Variants in TRERF1 observed in about 807,000 individuals in gnomAD.
TRERF1 encodes the protein transcriptional regulating factor 1, also known as transcriptional-regulating factor 1.
In TRERF1, 27 loss-of-function variants were observed where a neutral mutation model predicts 122.9. The ratio of observed to expected loss-of-function variants is 0.22; its 90% CI spans 0.16 to 0.30. TRERF1 has a LOEUF of 0.30. Ranked by LOEUF, TRERF1 falls within the 10% of genes least tolerant of loss-of-function variation. The pLI is 1.00. For synonymous variants in TRERF1, 636 were observed against 641.7 expected, an observed-to-expected ratio of 0.99 and a Z score of 0.13; for missense variants, 1,248 against 1,560.3, an observed-to-expected ratio of 0.80 and a Z score of 3.37.
chr6:42,372,648 C>T (rs1234675898), intron 2 of TRERF1, among the ~76,000 whole-genome samples: 2 of 152,202 alleles, frequency 1.3e-5, no homozygotes, highest in Non-Finnish European at 2.9e-5. Flanking sequence ...TCAAAACAGC[C>T]AGACAACATC....
intron 13 of TRERF1, among the ~76,000 whole-genome samples, chr6:42,252,532 G>C (rs927611227): frequency 6.6e-6 from 1 of 152,158 alleles, no homozygotes; most frequent in African/African-American, 2.4e-5. Context: ...CAGAAGATAG[G>C]GTCCCAGCAA....
intron 3 of TRERF1, among the ~76,000 whole-genome samples, chr6:42,330,171 C>T (rs779279127): frequency 6.6e-6 from 1 of 152,060 alleles, no homozygotes; most frequent in Non-Finnish European, 1.5e-5. Context: ...AGGCAAGCCA[C>T]AAGAGAAGAA....
chr6:42,308,508 C>T (rs1401053956), intron 3 of TRERF1, among the ~76,000 whole-genome samples: 4 of 151,940 alleles, frequency 2.6e-5, no homozygotes, highest in Non-Finnish European at 5.9e-5. Context: ...TCTGGGATGA[C>T]AAAAATGCCT....
chr6:42,435,586 T>C (rs1238092012), intron 2 of TRERF1, among the ~76,000 whole-genome samples: 4 of 151,992 alleles, frequency 2.6e-5, no homozygotes. Flanking sequence ...TAAGATGAAC[T>C]TAAAGATTTA....
At position 42,233,388 on chromosome 6, in the gene TRERF1, C is replaced by T. The variant is rs568617703; in HGVS notation, c.3067-496G>A. Among the ~76,000 whole-genome samples the T allele has an allele frequency of 6.8e-3, 1,032 of 151,392 alleles. 20 individuals are homozygous for T. Among genetic ancestry groups the T allele is most frequent in the African/African-American group, 0.024 (1,001 of 41,152 alleles). On this transcript the variant is annotated intron_variant, in intron 16 of 17. Transcript: ENST00000372922. Reference sequence around the variant, plus strand: ...GCAAGCTCCGCCTCCCAGGTTCACACCATTCTCCTGCCTCAGCCTCCCGAG... The same window carrying T: ...GCAAGCTCCGCCTCCCAGGTTCACATCATTCTCCTGCCTCAGCCTCCCGAG...
chr6:42,356,396 T>C (rs565528730), intron 3 of TRERF1, among the ~76,000 whole-genome samples: 2 of 152,110 alleles, frequency 1.3e-5, no homozygotes, highest in African/African-American at 4.8e-5. Context: ...TGGGTGATCT[T>C]ATAAGAAGAG....
intron 4 of TRERF1, among the ~76,000 whole-genome samples, chr6:42,285,576 T>C (rs35964201): frequency 0.024 from 3,570 of 150,400 alleles, 16 homozygotes; most frequent in Non-Finnish European, 0.033. Flanking sequence ...TCAAAGGGAA[T>C]GCTTCCAGTT....
chr6:42,258,895 C>T (rs1777268703), intron 9 of TRERF1, among the ~76,000 whole-genome samples: 1 of 152,082 alleles, frequency 6.6e-6, no homozygotes, highest in African/African-American at 2.4e-5. Context: ...CCACCATGCC[C>T]GGCTAATTTT....
chr6:42,288,595 AAG>A (rs893223894), intron 4 of TRERF1, among the ~76,000 whole-genome samples: 2 of 111,550 alleles, frequency 1.8e-5, no homozygotes, highest in Non-Finnish European at 4.2e-5. Flanking sequence ...AAAAAAAAAA[AAG>A]AGAGAGAGAC....
chr6:42,327,637 A>G (rs758509181), intron 3 of TRERF1, among the ~76,000 whole-genome samples: 2 of 152,212 alleles, frequency 1.3e-5, no homozygotes, highest in Non-Finnish European at 2.9e-5. Context: ...GTGAGGATCA[A>G]ATGCATTCAC....
intron 8 of TRERF1, among the ~76,000 whole-genome samples, chr6:42,260,264 C>A (rs1056204065): frequency 6.6e-6 from 1 of 151,858 alleles, no homozygotes; most frequent in Non-Finnish European, 1.5e-5. Context: ...GGGGGAGAGC[C>A]TTCGATGACC....
At chr6:42,301,580 T>C (rs962356104) in intron 3 of TRERF1, among the ~76,000 whole-genome samples, 3 of 152,154 alleles carry the variant, frequency 2.0e-5, no homozygotes, top group Non-Finnish European at 4.4e-5. Context: ...ACTACTTTAA[T>C]AAAATATAGT....
intron 2 of TRERF1, among the ~76,000 whole-genome samples, chr6:42,449,267 G>A (rs1788048838): frequency 6.6e-6 from 1 of 152,216 alleles, no homozygotes; most frequent in East Asian, 1.9e-4. Flanking sequence ...CTCTTTTTGG[G>A]ATGTCAAGCT....
At chr6:42,376,850 T>C (rs1250796703) in intron 2 of TRERF1, among the ~76,000 whole-genome samples, 1 of 147,226 alleles carries the variant, frequency 6.8e-6, no homozygotes, top group Non-Finnish European at 1.5e-5. Flanking sequence ...CTCCTCTAGC[T>C]AACTTTTAAA....
In TRERF1 at chr6:42,326,179, T is replaced by TA. The variant is rs200301849; in HGVS notation, c.-370-25431dup. 1.1e-3 allele frequency among the ~76,000 whole-genome samples: 158 copies of TA among 148,514 alleles called. 3 individuals carry two copies. The South Asian group carries it at 0.026, about 25-fold the overall frequency. ...CTCAAATCTAGAGGAAAAATTGAAA[T>TA]AAAAAAAAAATTCAGTGCAACACTG... On this transcript the variant is annotated intron_variant, in intron 3 of 17. Transcript: ENST00000372922.
chr6:42,348,356 C>T lies in TRERF1; in HGVS notation c.-371+14641G>A, dbSNP rs542675285. On this transcript the variant is annotated intron_variant, in intron 3 of 17. Coordinates refer to ENST00000372922, the Ensembl canonical transcript of TRERF1. Reference sequence around the variant, plus strand: ...GCAACCTTTGTCTCCTGGGTTCAAGCGATTCTTCTGCCTCAGCCTCCCAAG... The same window carrying T: ...GCAACCTTTGTCTCCTGGGTTCAAGTGATTCTTCTGCCTCAGCCTCCCAAG... Among the ~76,000 whole-genome samples the T allele has an allele frequency of 4.6e-5, 7 of 152,182 alleles. No homozygotes were observed. In the South Asian group the frequency reaches 1.0e-3, roughly 23 times the overall value.
chr6:42,254,980 T>C lies in TRERF1; in HGVS notation c.2581-54A>G, dbSNP rs1776469358. Reference sequence around the variant, plus strand: ...GAGTCAGCAACTGGTCTGTGTGTCCTATGGAGATCATCTACCCAAAGGGGA... The same window carrying C: ...GAGTCAGCAACTGGTCTGTGTGTCCCATGGAGATCATCTACCCAAAGGGGA... On this transcript the variant is annotated intron_variant, in intron 12 of 17. Coordinates refer to ENST00000372922, the Ensembl canonical transcript of TRERF1. 19 of 1,568,754 alleles carry C rather than the reference T, an allele frequency of 1.2e-5. No homozygotes were observed. In the South Asian group the frequency reaches 2.0e-4, roughly 16 times the overall value.
intron 3 of TRERF1, among the ~76,000 whole-genome samples, chr6:42,355,393 T>C (rs1226638634): frequency 1.3e-5 from 2 of 152,214 alleles, no homozygotes; most frequent in Admixed American, 1.3e-4. Context: ...TCCAGGAATA[T>C]AATCTATTTG....
At chr6:42,271,151 C>T (rs980456750) in intron 4 of TRERF1, among the ~76,000 whole-genome samples, 2 of 148,890 alleles carry the variant, frequency 1.3e-5, no homozygotes, top group Admixed American at 6.7e-5. Flanking sequence ...TGCCACTGCA[C>T]TCCAGGCTCT....
Sources: gnomAD v4.1 joint callset for allele counts (sites outside exome capture counted in the v4.1 genomes callset) on GRCh38, gnomAD v4.1.1 for gene constraint, MANE v1.5 for transcripts, NCBI Gene and HGNC (gene_info 2026-07-23, HGNC 2026-07-21) for gene names.